The following DHX30 variants were observed in gnomAD, a reference collection of about 807,000 sequenced individuals.
DHX30 encodes DExH-box helicase 30.
In DHX30, 4 loss-of-function variants were observed where a neutral mutation model predicts 116.9. That is an observed-to-expected ratio of 0.03 (90% CI 0.02 to 0.08). The LOEUF (loss-of-function observed/expected upper bound fraction) is 0.08, where lower values mean the gene tolerates loss of function less well. Ranked by LOEUF, DHX30 falls within the 10% of genes least tolerant of loss-of-function variation. DHX30 has a pLI of 1.00. For missense variants in DHX30, 871 were observed against 1,595.1 expected (o/e 0.55, Z 7.73); for synonymous variants, 697 against 651.7 (o/e 1.07, Z -1.06).
At chr3:47,831,924 C>CTTTTTTTTTTTTTTTTTTTTTTTTTT (rs1448275730) in intron 6 of DHX30, among the ~76,000 whole-genome samples, 3 of 120,380 alleles carry the variant, frequency 2.5e-5, no homozygotes, top group Non-Finnish European at 3.4e-5. Context: ...AGGCCTTTTC[C>CTTTTTTTTTTTTTTTTTTTTTTTTTT]TTTTTCTTTT....
chr3:47,836,468 A>C (rs1162780530), intron 6 of DHX30, among the ~76,000 whole-genome samples: 2 of 151,440 alleles, frequency 1.3e-5, no homozygotes. Context: ...GGTCATTATC[A>C]CATTTTTCTC....
chr3:47,818,879 C>G (rs1024875722), intron 4 of DHX30, among the ~76,000 whole-genome samples: 1 of 152,200 alleles, frequency 6.6e-6, no homozygotes, highest in Admixed American at 6.5e-5. Flanking sequence ...TGTTCACACC[C>G]CTCTGCCTAG....
At chr3:47,845,901 C>T (rs377728207) in intron 10 of DHX30, 49 bp downstream of exon 10, 176 of 1,559,880 alleles carry the variant, frequency 1.1e-4, no homozygotes, top group Admixed American at 3.9e-4. Context: ...TAGTCTGCCT[C>T]CATCTCTCCA....
At chr3:47,832,932 C>T (rs1467207521) in intron 6 of DHX30, among the ~76,000 whole-genome samples, 1 of 149,642 alleles carries the variant, frequency 6.7e-6, no homozygotes, top group Non-Finnish European at 1.5e-5. Context: ...ATCCACTGTG[C>T]CTGGCCTCTT....
intron 2 of DHX30, among the ~76,000 whole-genome samples, chr3:47,807,425 C>T (rs190438383): frequency 9.5e-4 from 144 of 151,724 alleles, no homozygotes; most frequent in African/African-American, 3.4e-3. Flanking sequence ...CAAAACTGGC[C>T]GGGCACGGTG....
chr3:47,816,918 A>T (rs199622070), intron 3 of DHX30: 26 of 63,816 alleles, frequency 4.1e-4, no homozygotes, highest in East Asian at 4.2e-3. Flanking sequence ...CAATTTTAAT[A>T]AAAAAAAAAA....
At position 47,847,179 on chromosome 3, in the gene DHX30, C is replaced by G; in HGVS notation, c.1930-94C>G. ...CACACGTGAGGATTGGAGTTGATGT[C>G]AAGCGGCTCCGTCTCACTGAGTCAG... On this transcript the variant is annotated intron_variant, in intron 11 of 21. Coordinates refer to ENST00000445061, the MANE Select transcript of DHX30 (RefSeq NM_138615.3). This position sits in a 1 kb window ranked among gnomAD's most constrained non-coding sequence, Gnocchi z 5.5. 1.3e-6 allele frequency: 2 copies of G among 1,539,654 alleles called. No homozygotes were observed. Among genetic ancestry groups the G allele is most frequent in the Non-Finnish European group, 1.8e-6 (2 of 1,115,418 alleles).
intron 3 of DHX30, among the ~76,000 whole-genome samples, chr3:47,811,105 A>G (rs1315951256): frequency 6.6e-6 from 1 of 150,610 alleles, no homozygotes; most frequent in African/African-American, 2.4e-5. Context: ...ACCAGCTGCC[A>G]AGCTCGGCTA....
At chr3:47,805,092 AGAT>A (rs1236632146) in intron 1 of DHX30, among the ~76,000 whole-genome samples, 2 of 152,214 alleles carry the variant, frequency 1.3e-5, no homozygotes, top group African/African-American at 4.8e-5. Context: ...ACATCTTCTT[AGAT>A]GATGTCAGAA....
Position 47,809,234 on chromosome 3 carries a change from C to CTTTTTTT in DHX30, c.-27-1404_-27-1398dup, listed in dbSNP as rs71070231. Among the ~76,000 whole-genome samples the CTTTTTTT allele has an allele frequency of 1.0e-3, 66 of 63,532 alleles. 9 individuals are homozygous for CTTTTTTT. The highest frequency in any genetic ancestry group is 1.1e-3 in the Non-Finnish European group (45 of 39,876). The allele number at this position is 63,532 out of a possible 152,430, so 41.7% of individuals were successfully genotyped here. On this transcript the variant is annotated intron_variant, in intron 2 of 21. Transcript: ENST00000445061. ...AGAAGGTGTCTATGGAATGTAACTT[C>CTTTTTTT]TTTTTTTTTTTTTTTTTTTTTTTTT...
At position 47,829,115 on chromosome 3, in the gene DHX30, C is replaced by T; in HGVS notation, c.347C>T (p.Ala116Val). The T allele has an allele frequency of 6.3e-7, 1 of 1,579,830 alleles. No individual in the cohort carries two copies. The highest frequency in any genetic ancestry group is 8.6e-7 in the Non-Finnish European group (1 of 1,165,552). ...GATGCTGAGCGGCAGGCTGCAGCTGCAGCCTGCCAGCTGTTCAAGGTGACC... is the reference window on the plus strand; with the variant it reads ...GATGCTGAGCGGCAGGCTGCAGCTGTAGCCTGCCAGCTGTTCAAGGTGACC... ...KIDAERQAAA[A>V]ACQLFKGWGL... Residue 116 changes from alanine (A) to valine (V), a missense_variant, in exon 6 of 22, where the codon GCA (alanine) becomes GTA (valine). Transcript: ENST00000445061.
At chr3:47,829,733 G>A (rs1432458505) in intron 6 of DHX30, among the ~76,000 whole-genome samples, 58 of 152,232 alleles carry the variant, frequency 3.8e-4, no homozygotes, top group Non-Finnish European at 2.9e-5. Context: ...GACACACAGC[G>A]TGAGGGATAT....
At position 47,823,171 on chromosome 3, in the gene DHX30, C is replaced by A. The variant is rs141894020; in HGVS notation, c.125-4176C>A. Among the ~76,000 whole-genome samples, 6 of 151,762 alleles carry A rather than the reference C, an allele frequency of 4.0e-5. No individual in the cohort carries two copies. The East Asian group carries it at 1.2e-3, about 29-fold the overall frequency. ...TCTATCAGATCTCTTGAGACTTACT[C>A]ACTACTATGAGAACAATATGGGAGA... On this transcript the variant is annotated intron_variant, in intron 4 of 21. Coordinates refer to ENST00000445061, the MANE Select transcript of DHX30 (RefSeq NM_138615.3).
At position 47,845,690 on chromosome 3, in the gene DHX30, C is replaced by A. The variant is rs376062811; in HGVS notation, c.940-10C>A. On this transcript the variant is annotated splice_polypyrimidine_tract_variant and intron_variant, in intron 9 of 21. Coordinates refer to ENST00000445061, the MANE Select transcript of DHX30 (RefSeq NM_138615.3). ...AGAGCATAGACTGAGTCTTGCATGT[C>A]CCCCTGCAGAGCCTGGGCCTGGTGG... is the stretch of plus-strand genomic sequence containing the variant. The A allele has an allele frequency of 7.0e-5, 111 of 1,580,672 alleles. No individual in the cohort carries two copies. Among genetic ancestry groups the A allele is most frequent in the Non-Finnish European group, 4.0e-5 (46 of 1,155,424 alleles).
chr3:47,832,253 C>T (rs75164631), intron 6 of DHX30, among the ~76,000 whole-genome samples: 2 of 152,210 alleles, frequency 1.3e-5, no homozygotes, highest in South Asian at 4.1e-4. Flanking sequence ...AGCCTTGGCA[C>T]TGCCATGCAT....
intron 3 of DHX30, among the ~76,000 whole-genome samples, chr3:47,811,155 T>C (rs2035772271): frequency 6.6e-6 from 1 of 151,886 alleles, no homozygotes; most frequent in South Asian, 2.1e-4. Context: ...GGTTTCACCA[T>C]GTTGGCCAGG....
chr3:47,810,577 C>T, intron 2 of DHX30, 80 bp from the exon 3 acceptor site: 1 of 1,140,946 alleles, frequency 8.8e-7, no homozygotes, highest in Non-Finnish European at 1.3e-6. Context: ...GAACAGTGCT[C>T]TCCATGTTAC....
Position 47,848,966 on chromosome 3 carries a change from T to C in DHX30, c.2816T>C (p.Phe939Ser). The part of the protein sequence containing the change: ...SHDSGSDHLA[F>S]VRAVAGWEEV... ...GACAGCGGCAGTGACCACCTGGCCT[T>C]TGTGCGGGCTGTCGCCGGCTGGGAG... The change falls in exon 18 of 22, where the codon TTT (phenylalanine) becomes TCT (serine). Residue 939 changes from phenylalanine (F) to serine (S), a missense_variant. Phe to Ser is a radical substitution (Grantham distance 155, BLOSUM62 -2). Transcript: ENST00000445061. The surrounding 1 kb of genome is among the most constrained non-coding windows in gnomAD (Gnocchi z 9.4). The C allele has an allele frequency of 6.2e-7, 1 of 1,613,262 alleles. No homozygotes were observed. Among genetic ancestry groups the C allele is most frequent in the Non-Finnish European group, 8.5e-7 (1 of 1,179,620 alleles).
rs928303652 is a variant in DHX30, at chr3:47,808,059, C to T, written c.-27-2598C>T. ...CCACGTAGTTGGGATTACAGGCATG[C>T]ACCACCACGTCCGGCTAATTTTGTA... On this transcript the variant is annotated intron_variant, in intron 2 of 21. Coordinates refer to ENST00000445061, the MANE Select transcript of DHX30 (RefSeq NM_138615.3). Among the ~76,000 whole-genome samples the T allele has an allele frequency of 7.9e-5, 12 of 151,336 alleles. No individual in the cohort carries two copies. In the Middle Eastern group the frequency reaches 0.017, roughly 216 times the overall value.
Sources: allele counts gnomAD v4.1 joint callset (sites outside exome capture counted in the v4.1 genomes callset), GRCh38; gene constraint gnomAD v4.1.1; non-coding constraint Gnocchi (gnomAD v3.1); transcripts MANE v1.5; gene names NCBI Gene and HGNC (gene_info 2026-07-23, HGNC 2026-07-21).